ARL15: variants seen among roughly 807,000 people sequenced by gnomAD.
The protein encoded by ARL15 is ARF like GTPase 15.
In ARL15, 19 loss-of-function variants were observed where a neutral mutation model predicts 25.2. The ratio of observed to expected loss-of-function variants is 0.75; its 90% confidence interval spans 0.53 to 1.10. The LOEUF (loss-of-function observed/expected upper bound fraction) is 1.10. ARL15 is among the 50% of genes least tolerant of loss of function. ARL15 has a pLI of 0.00. For missense variants in ARL15, 220 were observed against 246.0 expected (o/e 0.89, Z 0.71); for synonymous variants, 94 against 86.8 (o/e 1.08, Z -0.46).
chr5:54,180,925 G>A (rs1392800227), intron 1 of ARL15, among the ~76,000 whole-genome samples: 1 of 152,182 alleles, frequency 6.6e-6, no homozygotes, highest in Non-Finnish European at 1.5e-5. Flanking sequence ...ACTTTGAATG[G>A]AAGAGAGTGC....
intron 1 of ARL15, among the ~76,000 whole-genome samples, chr5:54,232,497 C>A (rs1367134507): frequency 6.6e-6 from 1 of 152,156 alleles, no homozygotes; most frequent in African/African-American, 2.4e-5. Context: ...TTCCACTGGG[C>A]CTCAAGACCC....
At chr5:54,106,962 AG>A (rs1752606827) in intron 4 of ARL15, among the ~76,000 whole-genome samples, 1 of 152,142 alleles carries the variant, frequency 6.6e-6, no homozygotes, top group Non-Finnish European at 1.5e-5. Flanking sequence ...CATCATCTTG[AG>A]GGGGTTGTAT....
At chr5:53,992,113 A>G (rs1748521955) in intron 4 of ARL15, among the ~76,000 whole-genome samples, 1 of 152,120 alleles carries the variant, frequency 6.6e-6, no homozygotes, top group Non-Finnish European at 1.5e-5. Flanking sequence ...CCAACCTTAG[A>G]AAGATATGAC....
chr5:54,141,314 G>A (rs1410756213), intron 3 of ARL15, among the ~76,000 whole-genome samples: 3 of 151,732 alleles, frequency 2.0e-5, no homozygotes, highest in East Asian at 3.9e-4. Flanking sequence ...AGCTATATAC[G>A]ATTACCTAGA....
At position 54,171,853 on chromosome 5, in the gene ARL15, C is replaced by A; in HGVS notation, c.124G>T (p.Gly42Cys). The A allele has an allele frequency of 6.2e-7, 1 of 1,613,642 alleles. No individual in the cohort carries two copies. The highest frequency in any genetic ancestry group is 8.5e-7 in the Non-Finnish European group (1 of 1,179,726). Residue 42 changes from glycine (G) to cysteine (C), a missense_variant, in exon 2 of 5, where the codon GGT (glycine) becomes TGT (cysteine). By Grantham distance (159) the Gly-to-Cys change is radical. Coordinates refer to ENST00000504924, the MANE Select transcript of ARL15 (RefSeq NM_019087.3). The part of the protein sequence containing the change: ...EYDLVCIGLT[G>C]SGKTSLLSKL... The stretch of plus-strand genomic sequence containing the variant: ...GACAACAGACTGGTTTTGCCAGAAC[C>A]TGTGAGGCCTATGCAAACCAGGTCA...
intron 4 of ARL15, among the ~76,000 whole-genome samples, chr5:54,022,538 T>A (rs1180055955): frequency 2.0e-5 from 3 of 152,152 alleles, no homozygotes; most frequent in Non-Finnish European, 4.4e-5. Flanking sequence ...AACCACCTAT[T>A]CTGAAGATTG....
chr5:53,946,832 A>T (rs1185255265), intron 4 of ARL15, among the ~76,000 whole-genome samples: 1 of 152,222 alleles, frequency 6.6e-6, no homozygotes, highest in East Asian at 1.9e-4. Context: ...GACACAGAAA[A>T]GCAAATCAGA....
intron 4 of ARL15, among the ~76,000 whole-genome samples, chr5:54,009,339 C>T (rs1162676786): frequency 1.3e-5 from 2 of 152,212 alleles, no homozygotes; most frequent in Middle Eastern, 3.2e-3. Context: ...AAATTACCAG[C>T]TTTCCATAAA....
chr5:54,235,618 T>C (rs1480455740), intron 1 of ARL15, among the ~76,000 whole-genome samples: 4 of 152,002 alleles, frequency 2.6e-5, no homozygotes, highest in African/African-American at 9.7e-5. Context: ...AATATAGGCA[T>C]GTGCCACCAC....
At chr5:54,001,314 C>CTTTTTTCATGGTATCAAT (rs1748842954) in intron 4 of ARL15, among the ~76,000 whole-genome samples, 1 of 152,114 alleles carries the variant, frequency 6.6e-6, no homozygotes, top group African/African-American at 2.4e-5. Flanking sequence ...TCACAAGCTC[C>CTTTTTTCATGGTATCAAT]CCATATCCTA....
chr5:54,209,548 CA>C, intron 1 of ARL15, among the ~76,000 whole-genome samples: 1 of 152,030 alleles, frequency 6.6e-6, no homozygotes, highest in African/African-American at 2.4e-5. Context: ...AATAAAAAGC[CA>C]AGAAATATGG....
At chr5:54,250,045 G>C (rs1015247318) in intron 1 of ARL15, among the ~76,000 whole-genome samples, 8 of 152,200 alleles carry the variant, frequency 5.3e-5, no homozygotes, top group African/African-American at 1.9e-4. Flanking sequence ...TCTGCAGGCT[G>C]TACAGGAAGC....
At chr5:54,233,885 A>C (rs1756735683) in intron 1 of ARL15, among the ~76,000 whole-genome samples, 1 of 152,218 alleles carries the variant, frequency 6.6e-6, no homozygotes, top group Non-Finnish European at 1.5e-5. Flanking sequence ...CTATTAACCC[A>C]GACATTAAAA....
intron 4 of ARL15, among the ~76,000 whole-genome samples, chr5:53,981,470 T>C (rs1482533147): frequency 6.6e-6 from 1 of 152,176 alleles, no homozygotes; most frequent in Admixed American, 6.5e-5. Flanking sequence ...GAGAACACAG[T>C]CTGCAAGCAA....
chr5:54,005,005 T>C (rs4334836), intron 4 of ARL15, among the ~76,000 whole-genome samples: 41,851 of 151,930 alleles, frequency 0.28, 5,981 homozygotes, highest in East Asian at 0.45. Context: ...TTCTTTTTTC[T>C]TTTGAATAAT....
At chr5:54,222,524 G>T (rs948563020) in intron 1 of ARL15, among the ~76,000 whole-genome samples, 4 of 152,266 alleles carry the variant, frequency 2.6e-5, no homozygotes, top group Middle Eastern at 3.4e-3. Flanking sequence ...TGACACTGCT[G>T]GTCAGCAATA....
chr5:54,150,310 C>T (rs1373596141), intron 3 of ARL15, among the ~76,000 whole-genome samples: 2 of 152,128 alleles, frequency 1.3e-5, no homozygotes, highest in Non-Finnish European at 2.9e-5. Context: ...AGAAGGTAGT[C>T]TTGAAGAAAT....
At chr5:54,084,878 A>G (rs568781420) in intron 4 of ARL15, among the ~76,000 whole-genome samples, 1 of 152,318 alleles carries the variant, frequency 6.6e-6, no homozygotes, top group South Asian at 2.1e-4. Flanking sequence ...GGAACCTACT[A>G]AAGGGACAAA....
At chr5:53,892,164 T>G (rs1211170529) in intron 4 of ARL15, among the ~76,000 whole-genome samples, 1 of 152,218 alleles carries the variant, frequency 6.6e-6, no homozygotes, top group African/African-American at 2.4e-5. Flanking sequence ...GACTAGTTCT[T>G]AAATCACAGA....
Sources: allele counts gnomAD v4.1 joint callset (sites outside exome capture counted in the v4.1 genomes callset), GRCh38; gene constraint gnomAD v4.1.1; transcripts MANE v1.5; gene names NCBI Gene and HGNC (gene_info 2026-07-23, HGNC 2026-07-21).